Variants in ROBO1 observed in about 807,000 individuals in gnomAD.
ROBO1 encodes roundabout guidance receptor 1.
ROBO1 carries 149 observed loss-of-function variants against 195.9 expected under a neutral mutation model. The observed-to-expected ratio is 0.76, with a 90% confidence interval of 0.67 to 0.87. The LOEUF (loss-of-function observed/expected upper bound fraction) is 0.87, where lower values mean the gene tolerates loss of function less well. Among genes scored for constraint, ROBO1 ranks in the 40% least tolerant of loss-of-function variants. ROBO1 has a pLI of 0.00. For missense variants in ROBO1, 1,933 were observed against 2,068.3 expected (o/e 0.93, Z 1.27); for synonymous variants, 816 against 733.2 (o/e 1.11, Z -1.82).
At chr3:78,676,978 C>T (rs1017673514) in intron 10 of ROBO1, among the ~76,000 whole-genome samples, 11 of 152,204 alleles carry the variant, frequency 7.2e-5, no homozygotes, top group African/African-American at 1.2e-4. Context: ...GCGGATCTCT[C>T]GGCAGAAACC....
chr3:79,225,369 G>C (rs2082208866), intron 2 of ROBO1, among the ~76,000 whole-genome samples: 2 of 152,104 alleles, frequency 1.3e-5, no homozygotes, highest in Admixed American at 1.3e-4. Context: ...AGATTGTCTA[G>C]TTAATGGAAA....
chr3:79,564,647 T>C (rs370829268), intron 2 of ROBO1, among the ~76,000 whole-genome samples: 1 of 152,098 alleles, frequency 6.6e-6, no homozygotes, highest in East Asian at 1.9e-4. Flanking sequence ...AGTCAAACTT[T>C]CTTGATTTTG....
intron 3 of ROBO1, among the ~76,000 whole-genome samples, chr3:78,977,554 T>C (rs1441712713): frequency 6.6e-6 from 1 of 151,462 alleles, no homozygotes; most frequent in African/African-American, 2.4e-5. Context: ...ATATTCTAAC[T>C]GTAGCAATTA....
At chr3:78,995,548 T>C (rs1332037835) in intron 3 of ROBO1, among the ~76,000 whole-genome samples, 1 of 152,104 alleles carries the variant, frequency 6.6e-6, no homozygotes, top group Non-Finnish European at 1.5e-5. Flanking sequence ...TTTCCGTTTT[T>C]AAAGTAAATC....
chr3:79,680,748 T>C (rs996575101), intron 1 of ROBO1, among the ~76,000 whole-genome samples: 47 of 152,124 alleles, frequency 3.1e-4, no homozygotes, highest in African/African-American at 1.0e-3. Context: ...TGTATTATAA[T>C]GACATAGCAT....
chr3:79,721,024 C>T (rs1352309512), intron 1 of ROBO1, among the ~76,000 whole-genome samples: 2 of 152,154 alleles, frequency 1.3e-5, no homozygotes, highest in Non-Finnish European at 2.9e-5. Context: ...GATCTCCTGA[C>T]CTCGTGATCC....
Position 78,943,347 on chromosome 3 carries a change from G to A in ROBO1, c.173-4420C>T, listed in dbSNP as rs569858124. The stretch of plus-strand genomic sequence containing the variant: ...CGCCACTAAAGTGCAGTGTTGCTGA[G>A]AGTTCACTCTGTCCCTGATTTGCAG... On this transcript the variant is annotated intron_variant, in intron 3 of 30. Coordinates refer to ENST00000464233, the MANE Select transcript of ROBO1 (RefSeq NM_002941.4). Among the ~76,000 whole-genome samples the A allele has an allele frequency of 1.8e-4, 28 of 152,292 alleles. No homozygotes were observed. In the East Asian group the frequency reaches 5.4e-3, roughly 29 times the overall value.
At chr3:78,852,444 G>T (rs910961095) in intron 4 of ROBO1, among the ~76,000 whole-genome samples, 2 of 152,120 alleles carry the variant, frequency 1.3e-5, no homozygotes, top group Admixed American at 6.5e-5. Flanking sequence ...TTTAACAGGA[G>T]ACTGGCAATT....
chr3:78,754,809 T>C (rs1865861), intron 4 of ROBO1, among the ~76,000 whole-genome samples: 35,753 of 151,966 alleles, frequency 0.24, 4,293 homozygotes, highest in African/African-American at 0.25. Context: ...AGAAACATAA[T>C]TTAAATTGGA....
At chr3:79,291,221 A>C (rs1377046004) in intron 2 of ROBO1, among the ~76,000 whole-genome samples, 1 of 152,134 alleles carries the variant, frequency 6.6e-6, no homozygotes, top group Non-Finnish European at 1.5e-5. Context: ...CAATGCTTTG[A>C]ACTTTTGCCT....
chr3:79,140,234 T>G (rs1036610411), intron 2 of ROBO1, among the ~76,000 whole-genome samples: 6 of 152,140 alleles, frequency 3.9e-5, no homozygotes, highest in Non-Finnish European at 7.4e-5. Flanking sequence ...CTGCTACTGG[T>G]TACTGTGTAG....
At chr3:78,820,042 AG>A (rs2030709724) in intron 4 of ROBO1, among the ~76,000 whole-genome samples, 1 of 152,216 alleles carries the variant, frequency 6.6e-6, no homozygotes, top group Admixed American at 6.5e-5. Flanking sequence ...GAAACTTAAA[AG>A]AGTACAATCG....
chr3:79,650,834 GA>G (rs1945983708), intron 1 of ROBO1, among the ~76,000 whole-genome samples: 1 of 151,680 alleles, frequency 6.6e-6, no homozygotes, highest in Non-Finnish European at 1.5e-5. Flanking sequence ...GCCTGAGTCA[GA>G]AAAAATAAAA....
chr3:78,838,251 T>C (rs2032906893), intron 4 of ROBO1, among the ~76,000 whole-genome samples: 4 of 152,204 alleles, frequency 2.6e-5, no homozygotes, highest in Non-Finnish European at 4.4e-5. Context: ...TGAAAAAAGC[T>C]GTCCATCATA....
At chr3:78,742,664 A>C (rs911966699) in intron 5 of ROBO1, among the ~76,000 whole-genome samples, 2 of 152,212 alleles carry the variant, frequency 1.3e-5, no homozygotes, top group Admixed American at 6.5e-5. Flanking sequence ...TAAAAGTTTC[A>C]GATGTTACAA....
In ROBO1 at chr3:78,863,417, G is replaced by C. The variant is rs185535348; in HGVS notation, c.499+75184C>G. ...AACTAAGTGCAGGAAGGAGCAGCCA[G>C]GGGGGAAATGTGCAAACTATGTGTG... is the stretch of plus-strand genomic sequence containing the variant. On this transcript the variant is annotated intron_variant, in intron 4 of 30. Transcript: ENST00000464233. 1.5e-4 allele frequency among the ~76,000 whole-genome samples: 23 copies of C among 152,162 alleles called. No individual in the cohort carries two copies. In the East Asian group the frequency reaches 2.9e-3, roughly 19 times the overall value.
At chr3:79,388,285 T>C (rs546669104) in intron 2 of ROBO1, among the ~76,000 whole-genome samples, 3 of 152,180 alleles carry the variant, frequency 2.0e-5, no homozygotes, top group South Asian at 4.2e-4. Flanking sequence ...ACTACCCAAA[T>C]AGAAAATTTG....
At chr3:79,073,892 GCT>G (rs1184686304) in intron 3 of ROBO1, among the ~76,000 whole-genome samples, 1 of 150,474 alleles carries the variant, frequency 6.6e-6, no homozygotes, top group African/African-American at 2.4e-5. Flanking sequence ...TTGCCATCCA[GCT>G]CTTTTTATTT....
chr3:78,807,501 T>C (rs1052672098), intron 4 of ROBO1, among the ~76,000 whole-genome samples: 2 of 152,182 alleles, frequency 1.3e-5, no homozygotes, highest in African/African-American at 4.8e-5. Flanking sequence ...CTGTGTTTCA[T>C]TGAATCTAAA....
Sources: allele counts gnomAD v4.1 joint callset (sites outside exome capture counted in the v4.1 genomes callset), GRCh38; gene constraint gnomAD v4.1.1; transcripts MANE v1.5; gene names NCBI Gene and HGNC (gene_info 2026-07-23, HGNC 2026-07-21).